The following RAB13 variants were observed in gnomAD, a reference collection of about 807,000 sequenced individuals.
RAB13 encodes the protein RAB13, member RAS oncogene family.
RAB13 carries 15 observed loss-of-function variants against 29.3 expected under a neutral mutation model. The observed-to-expected ratio is 0.51, with a 90% CI of 0.34 to 0.79. The LOEUF (loss-of-function observed/expected upper bound fraction) is 0.79, where lower values mean the gene tolerates loss of function less well. RAB13 is among the 30% of genes least tolerant of loss of function. RAB13 has a pLI of 0.01. For missense variants in RAB13, 186 were observed against 255.5 expected (o/e 0.73, Z 1.85); for synonymous variants, 82 against 93.8 (o/e 0.87, Z 0.73).
upstream of RAB13, among the ~76,000 whole-genome samples, chr1:153,988,294 A>ATT (rs552724489): frequency 0.019 from 2,090 of 107,516 alleles, 50 homozygotes; most frequent in Admixed American, 0.052. Flanking sequence ...GCCTGGCCCT[A>ATT]TTTTTTTTTT....
chr1:153,985,933 T>G (rs1571129999), intron 1 of RAB13, 180 bp downstream of exon 1: 16 of 1,041,188 alleles, frequency 1.5e-5, no homozygotes, highest in Admixed American at 6.5e-5. Flanking sequence ...CTCAGAGAGG[T>G]GAGAGGTTTG....
At chr1:153,983,646 CCT>C in intron 2 of RAB13, 65 bp from the exon 3 acceptor site, 2 of 1,400,604 alleles carry the variant, frequency 1.4e-6, no homozygotes, top group Non-Finnish European at 2.0e-6. Context: ...AATAATTCTT[CCT>C]CTCTCACAAG....
chr1:153,989,354 A>T (rs1649283548), upstream of RAB13, among the ~76,000 whole-genome samples: 1 of 150,614 alleles, frequency 6.6e-6, no homozygotes, highest in Non-Finnish European at 1.5e-5. Flanking sequence ...GGTTCACGCC[A>T]TTCTCCTGTC....
upstream of RAB13, among the ~76,000 whole-genome samples, chr1:153,988,752 TAC>T: frequency 6.7e-6 from 1 of 149,072 alleles, no homozygotes; most frequent in African/African-American, 2.4e-5. Context: ...TAGCTGAAAT[TAC>T]AGACACCCGC....
intron 6 of RAB13, 32 bp downstream of exon 6, chr1:153,982,503 C>G (rs760825713): frequency 6.2e-7 from 1 of 1,608,840 alleles, no homozygotes; most frequent in East Asian, 2.2e-5. Flanking sequence ...AATACTTCCT[C>G]TCTTGGTCGG....
upstream of RAB13, among the ~76,000 whole-genome samples, chr1:153,989,841 G>A (rs938371997): frequency 2.6e-5 from 4 of 151,328 alleles, no homozygotes; most frequent in Non-Finnish European, 5.9e-5. Context: ...GTGGTGAGCC[G>A]AGATGGCGCC....
At chr1:153,986,354 C>G, upstream of RAB13, 1 of 813,772 alleles carries the variant, frequency 1.2e-6, no homozygotes, top group Non-Finnish European at 1.9e-6. Flanking sequence ...TTTCCTCCCT[C>G]TCCGCCCAGG....
At chr1:153,989,902 T>A (rs1019794290), upstream of RAB13, among the ~76,000 whole-genome samples, 3 of 150,826 alleles carry the variant, frequency 2.0e-5, no homozygotes, top group Admixed American at 1.3e-4. Context: ...AAAAAAAAAA[T>A]AAAAATAAAA....
chr1:153,986,579 G>C (rs774629384), upstream of RAB13, among the ~76,000 whole-genome samples: 24 of 152,162 alleles, frequency 1.6e-4, no homozygotes, highest in Admixed American at 1.2e-3. Flanking sequence ...CAGAGAGGCT[G>C]GGGTGAAGGG....
rs1649168849 is a variant in RAB13, at chr1:153,986,305, G to T, written c.-69C>A. The T allele has an allele frequency of 7.4e-7, 1 of 1,349,210 alleles. No homozygotes were observed. The highest frequency in any genetic ancestry group is 1.0e-6 in the Non-Finnish European group (1 of 953,758). 83.6% of individuals were successfully genotyped at this position (1,349,210 alleles called of 1,614,324 possible). A position where few individuals can be genotyped will look rare whatever the true frequency, so the allele number is the denominator to read the frequency against. On this transcript the variant is annotated 5_prime_UTR_variant, in exon 1 of 8. Transcript: ENST00000368575. Reference sequence around the variant, plus strand: ...CACTGGTAGGCGGGACTGGACGGTTGGCAAACAGAGCGGCACGGAGCCCAG... The same window carrying T: ...CACTGGTAGGCGGGACTGGACGGTTTGCAAACAGAGCGGCACGGAGCCCAG...
At chr1:153,985,057 G>A in intron 1 of RAB13, 1 of 1,175,286 alleles carries the variant, frequency 8.5e-7, no homozygotes, top group Non-Finnish European at 1.1e-6. Flanking sequence ...GCTGCCTCTT[G>A]GGTCCATTCA....
At chr1:153,990,410 G>A (rs1301228000), upstream of RAB13, among the ~76,000 whole-genome samples, 1 of 152,186 alleles carries the variant, frequency 6.6e-6, no homozygotes, top group Non-Finnish European at 1.5e-5. Context: ...AAGAATATAG[G>A]TATTTAAAAA....
upstream of RAB13, among the ~76,000 whole-genome samples, chr1:153,988,570 C>T (rs1446110409): frequency 1.3e-5 from 2 of 149,516 alleles, no homozygotes; most frequent in African/African-American, 2.4e-5. Flanking sequence ...GGTTTACAGG[C>T]GTAAGCCACC....
At chr1:153,982,302 AACACACACAC>A (rs56853500) in intron 7 of RAB13, 79 bp downstream of exon 7, 150 of 1,297,842 alleles carry the variant, frequency 1.2e-4, no homozygotes, top group Admixed American at 3.3e-4. Context: ...TATCAACACC[AACACACACAC>A]ACACACACAC....
upstream of RAB13, among the ~76,000 whole-genome samples, chr1:153,987,200 C>G (rs1457401970): frequency 6.6e-6 from 1 of 152,176 alleles, no homozygotes. Context: ...GAAATATGAA[C>G]AGCACGGGTA....
At chr1:153,987,882 A>G (rs1649229216), upstream of RAB13, among the ~76,000 whole-genome samples, 1 of 152,014 alleles carries the variant, frequency 6.6e-6, no homozygotes. Flanking sequence ...CTTGAGCCCA[A>G]GAGTCCAAGG....
upstream of RAB13, among the ~76,000 whole-genome samples, chr1:153,988,099 C>G (rs1649238756): frequency 6.6e-6 from 1 of 151,540 alleles, no homozygotes; most frequent in East Asian, 1.9e-4. Context: ...ATTCTTGTGC[C>G]TCAGCCTCTG....
chr1:153,983,575 C>T lies in RAB13; in HGVS notation c.192G>A (p.Thr64=), dbSNP rs376027047. The T allele has an allele frequency of 9.9e-6, 16 of 1,608,802 alleles. No homozygotes were observed. The highest frequency in any genetic ancestry group is 6.7e-5 in the East Asian group (3 of 44,872). Residue 64 remains threonine (T), a synonymous_variant, in exon 3 of 8, where the codon ACG becomes ACA. Coordinates refer to ENST00000368575, the MANE Select transcript of RAB13 (RefSeq NM_002870.5). ...GKKIKLQVWD[T]AGQERFKTIT... ...TTGTCTTGAACCGCTCTTGGCCAGC[C>T]GTGTCCCTAAAGAAGGAGAAGTTTT... is the stretch of plus-strand genomic sequence containing the variant.
At chr1:153,989,537 C>A (rs1002934205), upstream of RAB13, among the ~76,000 whole-genome samples, 4 of 151,972 alleles carry the variant, frequency 2.6e-5, no homozygotes, top group African/African-American at 9.6e-5. Flanking sequence ...GCGTGAGCCA[C>A]GGCGCCCGGG....
Sources: gnomAD v4.1 joint callset for allele counts (sites outside exome capture counted in the v4.1 genomes callset) on GRCh38, gnomAD v4.1.1 for gene constraint, MANE v1.5 for transcripts, NCBI Gene and HGNC (gene_info 2026-07-23, HGNC 2026-07-21) for gene names.